The following RPF2 variants were observed in gnomAD, a reference collection of about 807,000 sequenced individuals.
The protein encoded by RPF2 is brix domain containing 1.
A neutral mutation model predicts 38.9 loss-of-function variants in RPF2; 21 were observed. The observed-to-expected ratio is 0.54, with a 90% confidence interval of 0.38 to 0.78. The LOEUF is 0.78. Among genes scored for constraint, RPF2 ranks in the 30% least tolerant of loss-of-function variants. The pLI is 0.00. For missense variants in RPF2, 314 were observed against 358.1 expected, an observed-to-expected ratio of 0.88 and a Z score of 0.99; for synonymous variants, 121 against 126.2, an observed-to-expected ratio of 0.96 and a Z score of 0.28.
intron 4 of RPF2, among the ~76,000 whole-genome samples, chr6:110,995,522 C>G (rs943912489): frequency 5.3e-5 from 8 of 151,960 alleles, no homozygotes; most frequent in African/African-American, 1.7e-4. Context: ...CTTGGAGAGT[C>G]TTGTAAGGAG....
chr6:111,002,460 C>T (rs1583266186), intron 6 of RPF2, among the ~76,000 whole-genome samples: 1 of 152,164 alleles, frequency 6.6e-6, no homozygotes, highest in South Asian at 2.1e-4. Context: ...GCCTCAGTCT[C>T]CTGAGTAGCT....
chr6:111,002,636 G>A lies in RPF2; in HGVS notation c.393+2849G>A, dbSNP rs556042342. 5.9e-5 allele frequency among the ~76,000 whole-genome samples: 9 copies of A among 152,286 alleles called. No homozygotes were observed. The South Asian group carries it at 1.9e-3, about 32-fold the overall frequency. ...GCATGAACCACTGCACCCAGCCCAG[G>A]TCTCATTCTTAACAAGAACCATTTA... On this transcript the variant is annotated intron_variant, in intron 6 of 9. Transcript: ENST00000441448.
intron 9 of RPF2, among the ~76,000 whole-genome samples, chr6:111,024,980 T>C (rs1772298420): frequency 6.6e-6 from 1 of 152,200 alleles, no homozygotes; most frequent in Admixed American, 6.5e-5. Context: ...TAAAATGTGT[T>C]TTGACTTTTT....
rs1336344854 is a variant in RPF2, at chr6:110,990,572, C to A, written c.195-1175C>A. Reference sequence around the variant, plus strand: ...TGGCAATTGGGAACCCCCCCCCCCCCCACCTTTTCTTTTGTTTGTTTTTTT... The same window carrying A: ...TGGCAATTGGGAACCCCCCCCCCCCACACCTTTTCTTTTGTTTGTTTTTTT... On this transcript the variant is annotated intron_variant, in intron 3 of 9. Coordinates refer to ENST00000441448, the MANE Select transcript of RPF2 (RefSeq NM_032194.3). Among the ~76,000 whole-genome samples, 12 of 109,756 alleles carry A rather than the reference C, an allele frequency of 1.1e-4. No individual in the cohort carries two copies. The East Asian group carries it at 1.2e-3, about 11-fold the overall frequency. 72.0% of individuals were successfully genotyped at this position (109,756 alleles called of 152,430 possible).
intron 4 of RPF2, among the ~76,000 whole-genome samples, chr6:110,994,643 T>C (rs189947565): frequency 2.4e-4 from 37 of 151,632 alleles, no homozygotes; most frequent in African/African-American, 9.0e-4. Context: ...AAAATACTTA[T>C]TATATGGCTT....
At chr6:111,015,943 T>C (rs2114343469) in intron 8 of RPF2, 87 bp downstream of exon 8, 2 of 979,726 alleles carry the variant, frequency 2.0e-6, no homozygotes, top group Non-Finnish European at 3.2e-6. Flanking sequence ...AAACTTAGAA[T>C]TGGTATCTGG....
At chr6:111,018,245 A>G (rs114843628) in intron 8 of RPF2, among the ~76,000 whole-genome samples, 2,386 of 148,378 alleles carry the variant, frequency 0.016, 37 homozygotes, top group African/African-American at 0.045. Context: ...GGGAGAGGGC[A>G]ATTGTGGTTC....
At chr6:110,989,197 A>T in intron 3 of RPF2, 132 bp downstream of exon 3, 1 of 960,884 alleles carries the variant, frequency 1.0e-6, no homozygotes, top group Non-Finnish European at 1.4e-6. Flanking sequence ...TTAATATTTT[A>T]ATTTCTTTCT....
intron 4 of RPF2, among the ~76,000 whole-genome samples, chr6:110,996,853 G>C (rs1177185554): frequency 6.6e-6 from 1 of 152,136 alleles, no homozygotes; most frequent in African/African-American, 2.4e-5. Context: ...CCAGGTTGGA[G>C]TGCAGTGTCG....
At chr6:110,983,105 G>T (rs890718909) in intron 1 of RPF2, among the ~76,000 whole-genome samples, 4 of 152,140 alleles carry the variant, frequency 2.6e-5, no homozygotes, top group South Asian at 2.1e-4. Context: ...GTGTCCATGG[G>T]ACTGGACGAG....
chr6:110,985,667 C>T (rs2095844), intron 2 of RPF2, among the ~76,000 whole-genome samples: 37,758 of 151,794 alleles, frequency 0.25, 5,398 homozygotes, highest in East Asian at 0.65. Flanking sequence ...AGGCCAGGCA[C>T]GGTGGTTCAC....
chr6:110,984,734 G>A (rs1225989741), intron 1 of RPF2, among the ~76,000 whole-genome samples: 3 of 152,052 alleles, frequency 2.0e-5, no homozygotes, highest in African/African-American at 7.2e-5. Flanking sequence ...TAGCTACTCG[G>A]GAGGCTGAGG....
At chr6:111,010,114 ATTTTTTTTTTTTTCTT>A (rs1325477759) in intron 7 of RPF2, among the ~76,000 whole-genome samples, 1 of 138,400 alleles carries the variant, frequency 7.2e-6, no homozygotes, top group Non-Finnish European at 1.6e-5. Flanking sequence ...CTGTCCCTCA[ATTTTTTTTTTTTTCTT>A]TTTTTTTTTT....
In RPF2 at chr6:110,988,511, C is replaced by G. The variant is rs1017448886; in HGVS notation, c.157-517C>G. 4.6e-5 allele frequency among the ~76,000 whole-genome samples: 7 copies of G among 151,860 alleles called. No individual in the cohort carries two copies. The South Asian group carries it at 1.2e-3, about 27-fold the overall frequency. On this transcript the variant is annotated intron_variant, in intron 2 of 9. Coordinates refer to ENST00000441448, the MANE Select transcript of RPF2 (RefSeq NM_032194.3). Reference sequence around the variant, plus strand: ...AGTGCAGTGGTGCAATCACGGTTCACCACAGCCTCGAATTCCTGAGCTCGG... The same window carrying G: ...AGTGCAGTGGTGCAATCACGGTTCAGCACAGCCTCGAATTCCTGAGCTCGG...
At chr6:111,003,202 T>C (rs908145822) in intron 6 of RPF2, among the ~76,000 whole-genome samples, 2 of 152,002 alleles carry the variant, frequency 1.3e-5, no homozygotes, top group African/African-American at 4.8e-5. Flanking sequence ...TCCCTTTACT[T>C]CTCCCTTGTC....
intron 4 of RPF2, among the ~76,000 whole-genome samples, chr6:110,996,779 A>T (rs190383276): frequency 3.9e-4 from 59 of 152,066 alleles, no homozygotes; most frequent in African/African-American, 1.4e-3. Flanking sequence ...TGGAAGAAAA[A>T]AACTGTTAGA....
At chr6:111,020,411 A>C (rs1772211704) in intron 8 of RPF2, among the ~76,000 whole-genome samples, 1 of 152,212 alleles carries the variant, frequency 6.6e-6, no homozygotes, top group South Asian at 2.1e-4. Context: ...AAAATCATTG[A>C]CAGTAAGAAA....
rs570516659 is a variant in RPF2 at position 111,012,162 on chromosome 6, A to ATTT, written c.494-3579_494-3577dup. Among the ~76,000 whole-genome samples the ATTT allele has an allele frequency of 5.6e-3, 645 of 115,510 alleles. 16 individuals are homozygous for ATTT. Among genetic ancestry groups the ATTT allele is most frequent in the East Asian group, 0.01 (35 of 3,382 alleles). 75.8% of individuals were successfully genotyped at this position (115,510 alleles called of 152,430 possible). A position where few individuals can be genotyped will look rare whatever the true frequency, so the allele number is the denominator to read the frequency against. On this transcript the variant is annotated intron_variant, in intron 7 of 9. Coordinates refer to ENST00000441448, the MANE Select transcript of RPF2 (RefSeq NM_032194.3). Reference sequence around the variant, plus strand: ...TGTTCATTCTTAATTTGTTTACATCATTTTTTTTTTTTTTTCTTTTTTTGA... The same window carrying ATTT: ...TGTTCATTCTTAATTTGTTTACATCATTTTTTTTTTTTTTTTTTCTTTTTTTGA...
chr6:110,995,802 G>A (rs1771701339), intron 4 of RPF2, among the ~76,000 whole-genome samples: 1 of 151,994 alleles, frequency 6.6e-6, no homozygotes, highest in South Asian at 2.1e-4. Context: ...GAACCAAATG[G>A]ATAAGATCTC....
Sources: gnomAD v4.1 joint callset for allele counts (sites outside exome capture counted in the v4.1 genomes callset) on GRCh38, gnomAD v4.1.1 for gene constraint, MANE v1.5 for transcripts, NCBI Gene and HGNC (gene_info 2026-07-23, HGNC 2026-07-21) for gene names.